MYO5B: variants seen among roughly 807,000 people sequenced by gnomAD.
MYO5B encodes the protein myosin VB.
In MYO5B, 143 loss-of-function variants were observed where a neutral mutation model predicts 229.3. The observed-to-expected ratio is 0.62, with a 90% CI of 0.54 to 0.72. The LOEUF (loss-of-function observed/expected upper bound fraction) is 0.72, where lower values mean the gene tolerates loss of function less well. MYO5B is among the 30% of genes least tolerant of loss of function. The pLI is 0.00. For synonymous variants in MYO5B, 918 were observed against 885.2 expected (o/e 1.04, Z -0.66); for missense variants, 2,321 against 2,331.0 (o/e 1.00, Z 0.09).
chr18:50,056,792 A>T (rs192313573), intron 1 of MYO5B, among the ~76,000 whole-genome samples: 67 of 148,866 alleles, frequency 4.5e-4, no homozygotes, highest in African/African-American at 1.7e-3. Flanking sequence ...GACTCCTCCT[A>T]CACTTGTCTC....
chr18:49,893,583 C>T (rs16951187), intron 22 of MYO5B, among the ~76,000 whole-genome samples: 2,547 of 152,308 alleles, frequency 0.017, 78 homozygotes, highest in African/African-American at 0.058. Flanking sequence ...GCAGAGGGTC[C>T]TGTGGGCAGA....
At chr18:50,165,314 C>G (rs1224898363) in intron 1 of MYO5B, among the ~76,000 whole-genome samples, 2 of 152,054 alleles carry the variant, frequency 1.3e-5, no homozygotes, top group African/African-American at 4.8e-5. Context: ...AAAACCCCAT[C>G]TTTACCAAAA....
chr18:49,879,400 G>C (rs2024562118), intron 23 of MYO5B: 1 of 422,292 alleles, frequency 2.4e-6, no homozygotes, highest in Admixed American at 3.6e-5. Context: ...GCAACTGCTG[G>C]CAGCATTCCT....
intron 4 of MYO5B, among the ~76,000 whole-genome samples, chr18:50,035,202 C>T (rs1191353924): frequency 6.6e-6 from 1 of 151,666 alleles, no homozygotes; most frequent in Admixed American, 6.6e-5. Flanking sequence ...CTAGAAGACT[C>T]TCAAGCCTAC....
At chr18:50,126,678 C>T (rs1464345646) in intron 1 of MYO5B, 2 of 154,660 alleles carry the variant, frequency 1.3e-5, no homozygotes, top group Non-Finnish European at 2.9e-5. Context: ...ATGCGTGAAT[C>T]ATCTCCAGGA....
intron 18 of MYO5B, among the ~76,000 whole-genome samples, chr18:49,909,907 G>GTAGGCTCCCCCTGCGTAT (rs1228175238): frequency 6.6e-6 from 1 of 152,154 alleles, no homozygotes; most frequent in East Asian, 1.9e-4. Context: ...TAAATATTAG[G>GTAGGCTCCCCCTGCGTAT]TAGGCTCCCC....
rs2024556869 is a variant in MYO5B, at chr18:49,878,988, T to C, written c.3233A>G (p.Glu1078Gly). ...QNLVKEYSQL[E>G]QRYDNLRDEM... ...ATCCCGAAGGTTGTCGTATCTCTGC[T>C]CCAACTGTGAATATTCCTTCACAAG... is the stretch of plus-strand genomic sequence containing the variant. Residue 1078 changes from glutamate to glycine, a missense_variant, in exon 24 of 40, where the codon GAG becomes GGG. By Grantham distance (98) the Glu-to-Gly change is moderately conservative. Transcript: ENST00000285039. 5 of 1,614,170 alleles carry C rather than the reference T, an allele frequency of 3.1e-6. No homozygotes were observed. The highest frequency in any genetic ancestry group is 4.2e-6 in the Non-Finnish European group (5 of 1,180,006).
In MYO5B at chr18:50,171,325, G is replaced by T. The variant is rs747005927; in HGVS notation, c.27+23442C>A. Among the ~76,000 whole-genome samples, 4 of 128,164 alleles carry T rather than the reference G, an allele frequency of 3.1e-5. 1 individual carries two copies. The highest frequency in any genetic ancestry group is 6.7e-5 in the Non-Finnish European group (4 of 60,014). 84.1% of individuals were successfully genotyped at this position (128,164 alleles called of 152,430 possible). On this transcript the variant is annotated intron_variant, in intron 1 of 39. Transcript: ENST00000285039. ...CCAAGACCATGTAATGGATGGACAC[G>T]ATTTACAGTAATTGCCTCTGTACAG... is the stretch of plus-strand genomic sequence containing the variant.
chr18:50,069,924 C>T (rs1006057547), intron 1 of MYO5B, among the ~76,000 whole-genome samples: 2 of 151,744 alleles, frequency 1.3e-5, no homozygotes, highest in Non-Finnish European at 2.9e-5. Flanking sequence ...CAGATAATGT[C>T]AACATCAAAC....
intron 1 of MYO5B, chr18:50,098,718 C>A (rs2031601105): frequency 6.6e-6 from 1 of 152,320 alleles, no homozygotes; most frequent in Non-Finnish European, 1.5e-5. Context: ...TCCTCTGTAT[C>A]ATCAATGTAA....
intron 4 of MYO5B, among the ~76,000 whole-genome samples, chr18:50,027,682 C>T (rs1180231409): frequency 6.6e-6 from 1 of 152,128 alleles, no homozygotes; most frequent in Admixed American, 6.5e-5. Flanking sequence ...GGAGAAAAAA[C>T]TGCTCCATGC....
At chr18:50,044,626 C>T (rs1052895477) in intron 2 of MYO5B, among the ~76,000 whole-genome samples, 2 of 151,998 alleles carry the variant, frequency 1.3e-5, no homozygotes, top group Non-Finnish European at 2.9e-5. Flanking sequence ...CTGGTCTATA[C>T]CTGAGCTCTC....
intron 22 of MYO5B, among the ~76,000 whole-genome samples, chr18:49,889,779 T>C (rs1011338953): frequency 3.3e-5 from 5 of 152,246 alleles, no homozygotes; most frequent in Admixed American, 2.0e-4. Context: ...TCCAGTCCTA[T>C]GAATGCCACC....
intron 1 of MYO5B, among the ~76,000 whole-genome samples, chr18:50,105,582 G>A (rs1168982509): frequency 6.6e-6 from 1 of 152,072 alleles, no homozygotes; most frequent in Non-Finnish European, 1.5e-5. Flanking sequence ...ACAGGTCAGT[G>A]GTTGCCAGGT....
intron 1 of MYO5B, among the ~76,000 whole-genome samples, chr18:50,133,376 G>A (rs1384562740): frequency 3.9e-5 from 6 of 152,176 alleles, no homozygotes; most frequent in African/African-American, 9.7e-5. Context: ...TGCCTTAAAC[G>A]AGGCTAATGT....
intron 1 of MYO5B, among the ~76,000 whole-genome samples, chr18:50,193,974 C>T (rs549787589): frequency 6.6e-6 from 1 of 152,320 alleles, no homozygotes; most frequent in East Asian, 1.9e-4. Flanking sequence ...CCCAGCCTCA[C>T]ACATCCCTTC....
At chr18:50,036,478 A>G (rs763286968) in intron 4 of MYO5B, among the ~76,000 whole-genome samples, 1 of 152,212 alleles carries the variant, frequency 6.6e-6, no homozygotes, top group Non-Finnish European at 1.5e-5. Context: ...CAGTGAGACT[A>G]TCTGTAGATC....
rs751931284 is a variant in MYO5B, at chr18:49,843,339, G to A, written c.4513C>T (p.Leu1505Phe). Residue 1505 changes from leucine to phenylalanine, a missense_variant, in exon 34 of 40, where the codon CTC becomes TTC. Leu to Phe is a conservative substitution (Grantham distance 22, BLOSUM62 0). Coordinates refer to ENST00000285039, the MANE Select transcript of MYO5B (RefSeq NM_001080467.3). ...TCCGCGTGCCGGATGCACATGTAGA[G>A]GATGTAGGCGGGGAGACAGGGCACT... ...GTVPCLPAYI[L>F]YMCIRHADYT... 13 of 1,614,016 alleles carry A rather than the reference G, an allele frequency of 8.1e-6. No individual in the cohort carries two copies. In the South Asian group the frequency reaches 1.2e-4, roughly 15 times the overall value.
At chr18:50,061,656 A>G (rs1010066260) in intron 1 of MYO5B, among the ~76,000 whole-genome samples, 3 of 152,188 alleles carry the variant, frequency 2.0e-5, no homozygotes, top group Non-Finnish European at 4.4e-5. Flanking sequence ...ACTAACACCC[A>G]TATCCCACAC....
Sources: allele counts gnomAD v4.1 joint callset (sites outside exome capture counted in the v4.1 genomes callset), GRCh38; gene constraint gnomAD v4.1.1; transcripts MANE v1.5; gene names NCBI Gene and HGNC (gene_info 2026-07-23, HGNC 2026-07-21).